Variants in GRIK4 observed in about 807,000 individuals in gnomAD.
GRIK4 encodes the protein glutamate receptor ionotropic, kainate 4.
A neutral mutation model predicts 104.9 loss-of-function variants in GRIK4; 40 were observed. The ratio of observed to expected loss-of-function variants is 0.38; its 90% CI spans 0.30 to 0.50. The LOEUF (loss-of-function observed/expected upper bound fraction) is 0.50, where lower values mean the gene tolerates loss of function less well. Among genes scored for constraint, GRIK4 ranks in the 20% least tolerant of loss-of-function variants. The pLI, the probability that GRIK4 is intolerant of heterozygous loss-of-function variation, is 0.93. For synonymous variants in GRIK4, 485 were observed against 524.9 expected (o/e 0.92, Z 1.04); for missense variants, 1,047 against 1,308.1 (o/e 0.80, Z 3.08).
At chr11:120,776,231 G>T (rs1671046430) in intron 3 of GRIK4, among the ~76,000 whole-genome samples, 1 of 152,114 alleles carries the variant, frequency 6.6e-6, no homozygotes, top group Admixed American at 6.5e-5. Flanking sequence ...CTGACTGCGT[G>T]CTCACATCTC....
At position 120,910,040 on chromosome 11, in the gene GRIK4, G is replaced by A. The variant is rs115506469; in HGVS notation, c.1476+4547G>A. 4.2e-3 allele frequency among the ~76,000 whole-genome samples: 642 copies of A among 152,316 alleles called. 4 individuals are homozygous for A. The highest frequency in any genetic ancestry group is 0.015 in the African/African-American group (610 of 41,564). ...GGAAGGTTAGTTACTGGAAGAGCAG[G>A]TTGTTATAAAGTGAGTCAGGCCTCT... On this transcript the variant is annotated intron_variant, in intron 13 of 20. Transcript: ENST00000527524.
intron 15 of GRIK4, among the ~76,000 whole-genome samples, chr11:120,955,143 G>A (rs1944112389): frequency 6.6e-6 from 1 of 152,178 alleles, no homozygotes; most frequent in Non-Finnish European, 1.5e-5. Context: ...TGAATTCCCA[G>A]GTCCCATGAG....
intron 3 of GRIK4, among the ~76,000 whole-genome samples, chr11:120,791,493 A>G (rs986853233): frequency 1.3e-5 from 2 of 152,198 alleles, no homozygotes; most frequent in Non-Finnish European, 2.9e-5. Context: ...AGTTCTTTAC[A>G]TATTCTGGAT....
At chr11:120,652,391 G>A (rs771079153) in intron 1 of GRIK4, among the ~76,000 whole-genome samples, 4 of 152,134 alleles carry the variant, frequency 2.6e-5, no homozygotes, top group Admixed American at 6.5e-5. Flanking sequence ...CTCCCCATTT[G>A]TTGTCAGGGA....
chr11:120,920,340 T>G (rs562547712), intron 13 of GRIK4, among the ~76,000 whole-genome samples: 1 of 152,232 alleles, frequency 6.6e-6, no homozygotes, highest in African/African-American at 2.4e-5. Context: ...CACCTCCTCT[T>G]CTGGCCTGGA....
chr11:120,538,550 G>A (rs2136086155), intron 1 of GRIK4, among the ~76,000 whole-genome samples: 1 of 152,346 alleles, frequency 6.6e-6, no homozygotes, highest in East Asian at 1.9e-4. Flanking sequence ...GAAATTGCAT[G>A]TATTGCATTA....
intron 3 of GRIK4, among the ~76,000 whole-genome samples, chr11:120,668,304 AAAGAAAAG>A (rs1055454519): frequency 3.0e-4 from 45 of 151,882 alleles, no homozygotes; most frequent in Non-Finnish European, 2.9e-4. Context: ...AGAAAAAAGA[AAAGAAAAG>A]AAGAAAGGAA....
At chr11:120,954,667 GC>G (rs1944092285) in intron 15 of GRIK4, among the ~76,000 whole-genome samples, 2 of 151,884 alleles carry the variant, frequency 1.3e-5, no homozygotes, top group African/African-American at 2.4e-5. Flanking sequence ...GGGGTGTTAC[GC>G]TGCCCCTCCT....
intron 3 of GRIK4, among the ~76,000 whole-genome samples, chr11:120,759,966 A>C (rs1026723942): frequency 1.3e-5 from 2 of 152,120 alleles, no homozygotes; most frequent in Non-Finnish European, 2.9e-5. Flanking sequence ...TTTTTATGAC[A>C]AGAGCAGCTA....
chr11:120,602,616 C>T (rs992476300), intron 1 of GRIK4, among the ~76,000 whole-genome samples: 1 of 152,194 alleles, frequency 6.6e-6, no homozygotes, highest in African/African-American at 2.4e-5. Flanking sequence ...TGGCTGAGCC[C>T]GAAGCCCATA....
At chr11:120,835,882 CTT>C (rs1489062461) in intron 7 of GRIK4, among the ~76,000 whole-genome samples, 1 of 152,190 alleles carries the variant, frequency 6.6e-6, no homozygotes, top group Non-Finnish European at 1.5e-5. Context: ...AAGGGAGACT[CTT>C]CTGATGTAGC....
chr11:120,523,923 A>T (rs1204519950), intron 1 of GRIK4, among the ~76,000 whole-genome samples: 2 of 142,402 alleles, frequency 1.4e-5, no homozygotes, highest in African/African-American at 5.3e-5. Flanking sequence ...TTGCTTCTGC[A>T]TTCTTTTTTT....
intron 19 of GRIK4, among the ~76,000 whole-genome samples, chr11:120,976,653 G>C (rs963556351): frequency 6.6e-5 from 10 of 152,306 alleles, no homozygotes; most frequent in Middle Eastern, 3.4e-3. Context: ...ACCTAGCATA[G>C]TGCCCAGCTC....
At chr11:120,680,138 C>T (rs755221721) in intron 3 of GRIK4, among the ~76,000 whole-genome samples, 4 of 152,250 alleles carry the variant, frequency 2.6e-5, no homozygotes, top group Admixed American at 1.3e-4. Flanking sequence ...AGTGCAGTGG[C>T]GTGATCTTAG....
At position 120,879,368 on chromosome 11, in the gene GRIK4, TTC is replaced by T. The variant is rs375541310; in HGVS notation, c.1164+4133_1164+4134del. Among the ~76,000 whole-genome samples the T allele has an allele frequency of 1.6e-3, 239 of 152,348 alleles. 1 individual carries two copies. Among genetic ancestry groups the T allele is most frequent in the African/African-American group, 5.4e-3 (224 of 41,584 alleles). On this transcript the variant is annotated intron_variant, in intron 11 of 20. Transcript: ENST00000527524. ...ATCTTCTCATTGGGGCTTGGTTTCA[TTC>T]TCTCTCTTCCTGTCTGGATGAGTGA...
intron 3 of GRIK4, among the ~76,000 whole-genome samples, chr11:120,725,194 T>A (rs1005284064): frequency 6.6e-6 from 1 of 152,198 alleles, no homozygotes; most frequent in Non-Finnish European, 1.5e-5. Context: ...TTGAGAACCA[T>A]TGCTCTTTAC....
At chr11:120,855,516 C>T (rs986091874) in intron 8 of GRIK4, among the ~76,000 whole-genome samples, 1 of 151,100 alleles carries the variant, frequency 6.6e-6, no homozygotes. Flanking sequence ...CTAAAGGCTT[C>T]TCTCTCAACA....
chr11:120,864,567 G>A (rs1315876857), intron 9 of GRIK4, among the ~76,000 whole-genome samples: 1 of 152,148 alleles, frequency 6.6e-6, no homozygotes, highest in African/African-American at 2.4e-5. Flanking sequence ...AACTTGAAAG[G>A]CTTGCAGTAC....
chr11:120,820,310 G>C lies in GRIK4; in HGVS notation c.511+390G>C, dbSNP rs561541395. On this transcript the variant is annotated intron_variant, in intron 6 of 20. Coordinates refer to ENST00000527524, the MANE Select transcript of GRIK4 (RefSeq NM_014619.5). ...ACATTCTCAGCTTCATTGTCAAGGA[G>C]ATACAAAAAGAGAGAGAGGGAACAT... 2.0e-5 allele frequency among the ~76,000 whole-genome samples: 3 copies of C among 152,172 alleles called. No homozygotes were observed. The South Asian group carries it at 6.2e-4, about 32-fold the overall frequency.
Sources: gnomAD v4.1 joint callset for allele counts (sites outside exome capture counted in the v4.1 genomes callset) on GRCh38, gnomAD v4.1.1 for gene constraint, MANE v1.5 for transcripts, NCBI Gene and HGNC (gene_info 2026-07-23, HGNC 2026-07-21) for gene names.